The following ANKS1A variants were observed in gnomAD, a reference collection of about 807,000 sequenced individuals.
The protein encoded by ANKS1A is ankyrin repeat and sterile alpha motif domain containing 1A, also known as ankyrin repeat and SAM domain-containing protein 1A.
In ANKS1A, 55 loss-of-function variants were observed where a neutral mutation model predicts 120.3. That is an observed-to-expected ratio of 0.46 (90% CI 0.37 to 0.57). The LOEUF is 0.57. Ranked by LOEUF, ANKS1A falls within the 20% of genes least tolerant of loss-of-function variation. ANKS1A has a pLI of 0.00. For missense variants in ANKS1A, 1,123 were observed against 1,480.3 expected (o/e 0.76, Z 3.96); for synonymous variants, 590 against 604.7 (o/e 0.98, Z 0.36).
chr6:34,988,761 T>A (rs1025258447), intron 8 of ANKS1A, among the ~76,000 whole-genome samples: 4 of 152,342 alleles, frequency 2.6e-5, no homozygotes, highest in Middle Eastern at 3.4e-3. Context: ...AACATTTTTG[T>A]CCTTGATTAC....
chr6:35,054,788 C>T (rs888289309), intron 12 of ANKS1A, among the ~76,000 whole-genome samples: 3 of 152,230 alleles, frequency 2.0e-5, no homozygotes, highest in South Asian at 4.1e-4. Context: ...GCCATCTGAG[C>T]TGTTTTATCT....
chr6:34,945,133 T>C (rs1339115080), intron 1 of ANKS1A, among the ~76,000 whole-genome samples: 2 of 152,160 alleles, frequency 1.3e-5, no homozygotes, highest in Admixed American at 6.5e-5. Flanking sequence ...TGGAATGCAG[T>C]GGGGAGAACA....
intron 11 of ANKS1A, among the ~76,000 whole-genome samples, chr6:35,046,083 T>C (rs1191469437): frequency 6.6e-6 from 1 of 152,234 alleles, no homozygotes; most frequent in Non-Finnish European, 1.5e-5. Flanking sequence ...CTAAGTATTC[T>C]AATGTGCTGC....
intron 10 of ANKS1A, among the ~76,000 whole-genome samples, chr6:35,006,772 A>C (rs1773482152): frequency 6.6e-6 from 1 of 152,204 alleles, no homozygotes; most frequent in Non-Finnish European, 1.5e-5. Flanking sequence ...AAAACAAAAA[A>C]CAAAAACAAA....
intron 11 of ANKS1A, among the ~76,000 whole-genome samples, chr6:35,027,810 A>G (rs1296160536): frequency 6.6e-6 from 1 of 152,082 alleles, no homozygotes; most frequent in Non-Finnish European, 1.5e-5. Flanking sequence ...TTCCCTTTTG[A>G]TGCTACCAGG....
intron 11 of ANKS1A, among the ~76,000 whole-genome samples, chr6:35,045,216 TA>T (rs922266270): frequency 6.6e-6 from 1 of 152,222 alleles, no homozygotes; most frequent in Non-Finnish European, 1.5e-5. Context: ...CATAATAAAT[TA>T]ACTCCTCATT....
chr6:35,053,958 C>G lies in ANKS1A; in HGVS notation c.2011-141C>G, dbSNP rs192332325. The stretch of plus-strand genomic sequence containing the variant: ...TCTCTTAGACCTGAGCAGCAGAGTC[C>G]TGATACCTTGCAGGCTGGTGCTGGT... On this transcript the variant is annotated intron_variant, in intron 11 of 23. Transcript: ENST00000360359. The G allele has an allele frequency of 5.7e-6, 4 of 699,862 alleles. No individual in the cohort carries two copies. In the Admixed American group the frequency reaches 6.4e-5, roughly 11 times the overall value. The allele number at this position is 699,862 out of a possible 1,614,324, so 43.4% of individuals were successfully genotyped here.
chr6:35,063,843 G>A (rs1236639977), intron 13 of ANKS1A, among the ~76,000 whole-genome samples: 3 of 152,200 alleles, frequency 2.0e-5, no homozygotes, highest in African/African-American at 7.2e-5. Flanking sequence ...GGCAAGCACC[G>A]CCAGCAGAGG....
At chr6:35,083,748 T>C (rs1377142413) in intron 20 of ANKS1A, among the ~76,000 whole-genome samples, 3 of 152,152 alleles carry the variant, frequency 2.0e-5, no homozygotes, top group Non-Finnish European at 4.4e-5. Flanking sequence ...TGGGCTCCAC[T>C]GGCCGCACAC....
intron 1 of ANKS1A, among the ~76,000 whole-genome samples, chr6:34,939,212 A>T (rs1000484285): frequency 7.2e-5 from 11 of 152,296 alleles, no homozygotes; most frequent in African/African-American, 2.6e-4. Context: ...TCTCTGTTCT[A>T]GGAGCCCTTC....
At chr6:34,928,764 A>G (rs1376367581) in intron 1 of ANKS1A, among the ~76,000 whole-genome samples, 1 of 152,076 alleles carries the variant, frequency 6.6e-6, no homozygotes, top group Non-Finnish European at 1.5e-5. Context: ...GTGTCTGCTC[A>G]CTCACTGTGT....
rs893169021 is a variant in ANKS1A at position 34,927,535 on chromosome 6, G to A, written c.197+37936G>A. Among the ~76,000 whole-genome samples the A allele has an allele frequency of 2.6e-5, 4 of 152,070 alleles. No homozygotes were observed. The East Asian group carries it at 7.7e-4, about 29-fold the overall frequency. ...AAAGGAACTTGAAGTTCAAGCAGAT[G>A]AGTCAAGTGTGGATTTTCAGGGTGG... On this transcript the variant is annotated intron_variant, in intron 1 of 23. Transcript: ENST00000360359.
intron 10 of ANKS1A, chr6:35,005,917 G>T: frequency 3.2e-6 from 1 of 310,168 alleles, no homozygotes. Context: ...GGCCGGGCGC[G>T]GTGGCTCATG....
rs1776316654 is a variant in ANKS1A at position 35,058,394 on chromosome 6, C to A, written c.2078-1753C>A. The A allele has an allele frequency of 6.6e-6, 1 of 152,216 alleles. No homozygotes were observed. Among genetic ancestry groups the A allele is most frequent in the Non-Finnish European group, 1.5e-5 (1 of 68,042 alleles). The allele number at this position is 152,216 out of a possible 1,614,324, so 9.4% of individuals were successfully genotyped here. A position where few individuals can be genotyped will look rare whatever the true frequency, so the allele number is the denominator to read the frequency against. ...GACTTCATGGGCATAGAAGAACCTG[C>A]CACGTAGGCTCCTGGAGCAGACTTC... On this transcript the variant is annotated intron_variant, in intron 12 of 23. Transcript: ENST00000360359. This position sits in a 1 kb window ranked among gnomAD's most constrained non-coding sequence, Gnocchi z 5.1.
intron 2 of ANKS1A, among the ~76,000 whole-genome samples, 175 bp downstream of exon 2, chr6:34,967,494 T>G (rs938214991): frequency 7.7e-5 from 11 of 143,364 alleles, no homozygotes; most frequent in South Asian, 2.2e-4. Flanking sequence ...GAGAGCAGCC[T>G]GGGCAACAAA....
chr6:34,939,892 T>C (rs1158941489), intron 1 of ANKS1A, among the ~76,000 whole-genome samples: 1 of 152,226 alleles, frequency 6.6e-6, no homozygotes, highest in Non-Finnish European at 1.5e-5. Flanking sequence ...TCTACTTCTG[T>C]GGCTTTTTCA....
rs1038998138 is a variant in ANKS1A, at chr6:35,022,690, C to A, written c.2010+4631C>A. On this transcript the variant is annotated intron_variant, in intron 11 of 23. Coordinates refer to ENST00000360359, the MANE Select transcript of ANKS1A (RefSeq NM_015245.3). ...ATAGAGGGCAAACTGAGAAGGTGTA[C>A]GTAAATAAAATTTTAAAAATATACA... is the stretch of plus-strand genomic sequence containing the variant. Among the ~76,000 whole-genome samples, 8 of 152,054 alleles carry A rather than the reference C, an allele frequency of 5.3e-5. No individual in the cohort carries two copies. In the East Asian group the frequency reaches 1.5e-3, roughly 29 times the overall value.
intron 1 of ANKS1A, among the ~76,000 whole-genome samples, chr6:34,931,150 C>CT (rs71538282): frequency 0.14 from 18,997 of 134,628 alleles, 1,533 homozygotes; most frequent in African/African-American, 0.23. Context: ...AGGCTGTTTT[C>CT]TTTTTTTTTT....
At chr6:34,908,868 G>T (rs1767768076) in intron 1 of ANKS1A, among the ~76,000 whole-genome samples, 1 of 151,708 alleles carries the variant, frequency 6.6e-6, no homozygotes, top group Admixed American at 6.6e-5. Context: ...TCACAGGGGA[G>T]TGTGTTTCTT....
Sources: allele counts gnomAD v4.1 joint callset (sites outside exome capture counted in the v4.1 genomes callset), GRCh38; gene constraint gnomAD v4.1.1; non-coding constraint Gnocchi (gnomAD v3.1); transcripts MANE v1.5; gene names NCBI Gene and HGNC (gene_info 2026-07-23, HGNC 2026-07-21).